SYNE3: variants seen among roughly 807,000 people sequenced by gnomAD.
The protein encoded by SYNE3 is nesprin-3.
SYNE3 carries 100 observed loss-of-function variants against 111.2 expected under a neutral mutation model. That is an observed-to-expected ratio of 0.90 (90% CI 0.77 to 1.06). The LOEUF is 1.06. Among genes scored for constraint, SYNE3 ranks in the 50% least tolerant of loss-of-function variants. The pLI is 0.00. For synonymous variants in SYNE3, 547 were observed against 533.9 expected, an observed-to-expected ratio of 1.02 and a Z score of -0.34; for missense variants, 1,160 against 1,240.3, an observed-to-expected ratio of 0.94 and a Z score of 0.97.
rs918430663 is a variant in SYNE3, at chr14:95,411,629, A to T, written c.*6197T>A. 6.6e-6 allele frequency: 1 copy of T among 152,256 alleles called. No homozygotes were observed. Among genetic ancestry groups the T allele is most frequent in the African/African-American group, 2.4e-5 (1 of 41,450 alleles). The allele number at this position is 152,256 out of a possible 1,614,324, so 9.4% of individuals were successfully genotyped here. ...GGTGAGAATTAGCTGAGTGCCCATG[A>T]GAGAGGGAATTAGGGCAGGATCCCG... On this transcript the variant is annotated 3_prime_UTR_variant, in exon 18 of 18. Transcript: ENST00000682763.
intron 4 of SYNE3, among the ~76,000 whole-genome samples, chr14:95,458,119 C>T (rs1156915370): frequency 6.6e-6 from 1 of 152,214 alleles, no homozygotes; most frequent in Non-Finnish European, 1.5e-5. Context: ...TATGAGCCCC[C>T]ACTGTACTCC....
At position 95,452,353 on chromosome 14, in the gene SYNE3, G is replaced by C; in HGVS notation, c.1168C>G (p.Pro390Ala). ...TGGGCTTGCAGCCGGTCCACCCGGG[G>C]CTCCTCCGAGGCCAGCGCCGCCCGT... Reference protein sequence around the residue: ...ATRAALASEEPRVDRLQAQLK... With the variant: ...ATRAALASEEARVDRLQAQLK... Residue 390 changes from proline (P) to alanine (A), a missense_variant, in exon 7 of 18, where the codon CCC becomes GCC. Coordinates refer to ENST00000682763, the MANE Select transcript of SYNE3 (RefSeq NM_152592.6). 6.2e-7 allele frequency: 1 copy of C among 1,613,004 alleles called. No homozygotes were observed. Among genetic ancestry groups the C allele is most frequent in the South Asian group, 1.1e-5 (1 of 90,958 alleles).
chr14:95,429,090 T>C (rs1285916709), intron 17 of SYNE3, among the ~76,000 whole-genome samples: 1 of 152,220 alleles, frequency 6.6e-6, no homozygotes, highest in African/African-American at 2.4e-5. Flanking sequence ...CACACAGGCA[T>C]ACGCCACACT....
chr14:95,419,405 T>A (rs1740643), intron 17 of SYNE3, among the ~76,000 whole-genome samples: 44,291 of 152,044 alleles, frequency 0.29, 7,087 homozygotes, highest in African/African-American at 0.41. Context: ...ATACCTTGAT[T>A]GATAAATGTA....
chr14:95,430,295 C>G (rs4513028), intron 17 of SYNE3, among the ~76,000 whole-genome samples: 36,259 of 152,010 alleles, frequency 0.24, 6,204 homozygotes, highest in African/African-American at 0.48. Context: ...TAGAGTCGGT[C>G]TGGACACAAG....
In SYNE3 at chr14:95,408,923, C is replaced by T; in HGVS notation, c.*8903G>A. 1 of 353,208 alleles carries T rather than the reference C, an allele frequency of 2.8e-6. No individual in the cohort carries two copies. The highest frequency in any genetic ancestry group is 3.8e-5 in the Admixed American group (1 of 26,290). 21.9% of individuals were successfully genotyped at this position (353,208 alleles called of 1,614,324 possible). On this transcript the variant is annotated 3_prime_UTR_variant, in exon 18 of 18. Transcript: ENST00000682763. Reference sequence around the variant, plus strand: ...CTTTTCCAGTGGGAAGGTAGACAGACAGTGGGTACCTGCTCCCGTCCCCTG... The same window carrying T: ...CTTTTCCAGTGGGAAGGTAGACAGATAGTGGGTACCTGCTCCCGTCCCCTG...
chr14:95,452,434 A>G (rs893725596), intron 6 of SYNE3, 51 bp from the exon 7 acceptor site: 3 of 1,548,672 alleles, frequency 1.9e-6, no homozygotes, highest in African/African-American at 2.7e-5. Flanking sequence ...TCAACAGGAT[A>G]AGTGTGTGTG....
chr14:95,431,195 C>T (rs1885743267), intron 17 of SYNE3, among the ~76,000 whole-genome samples: 1 of 152,234 alleles, frequency 6.6e-6, no homozygotes, highest in Non-Finnish European at 1.5e-5. Context: ...CCGATTTACA[C>T]TTGGCTTTTC....
rs1269248426 is a variant in SYNE3, at chr14:95,417,619, A to C, written c.*207T>G. The C allele has an allele frequency of 9.9e-6, 6 of 606,060 alleles. No individual in the cohort carries two copies. The highest frequency in any genetic ancestry group is 1.5e-5 in the Non-Finnish European group (5 of 337,104). 37.5% of individuals were successfully genotyped at this position (606,060 alleles called of 1,614,324 possible). ...ATTCTAGACATTATTCCCTAGTCAC[A>C]TGTAGTACACATTTAGTATAAATAG... On this transcript the variant is annotated 3_prime_UTR_variant, in exon 18 of 18. Coordinates refer to ENST00000682763, the MANE Select transcript of SYNE3 (RefSeq NM_152592.6).
chr14:95,433,312 C>T lies in SYNE3; in HGVS notation c.2636G>A (p.Arg879His), dbSNP rs1225646791. 4.3e-6 allele frequency: 7 copies of T among 1,614,164 alleles called. No homozygotes were observed. Among genetic ancestry groups the T allele is most frequent in the East Asian group, 4.5e-5 (2 of 44,878 alleles). ...GGACTTGTACAGCATCCACTGGTAG[C>T]GCAGATCTTCCAGCTCATCCGAGGT... ...RGTSDELEDLRYQWMLYKSKL... is the reference protein window; with the variant it reads ...RGTSDELEDLHYQWMLYKSKL... The change falls in exon 16 of 18, where the codon CGC becomes CAC. Residue 879 changes from arginine (R) to histidine (H), a missense_variant. Transcript: ENST00000682763.
intron 1 of SYNE3, among the ~76,000 whole-genome samples, chr14:95,480,778 GC>G (rs1480571913): frequency 6.6e-6 from 1 of 152,082 alleles, no homozygotes; most frequent in Non-Finnish European, 1.5e-5. Context: ...AAAAAGGCCA[GC>G]CATGGAAGAG....
intron 17 of SYNE3, among the ~76,000 whole-genome samples, chr14:95,419,602 C>G (rs1884960195): frequency 1.3e-5 from 2 of 151,662 alleles, no homozygotes; most frequent in South Asian, 4.2e-4. Context: ...AAGCCACAGT[C>G]CCGTGATGAT....
Position 95,494,441 on chromosome 14 carries a change from T to TC in SYNE3, c.-14-18607_-14-18606insG, listed in dbSNP as rs1257705231. 2.0e-5 allele frequency among the ~76,000 whole-genome samples: 3 copies of TC among 152,120 alleles called. No individual in the cohort carries two copies. The East Asian group carries it at 5.8e-4, about 29-fold the overall frequency. On this transcript the variant is annotated intron_variant, in intron 1 of 17. Coordinates refer to ENST00000682763, the MANE Select transcript of SYNE3 (RefSeq NM_152592.6). ...TGGATGGACTGGCGAGACCAAAAGC[T>TC]GGGAGATGGGGAAGTGCAAGGCCAA... is the stretch of plus-strand genomic sequence containing the variant.
At position 95,462,931 on chromosome 14, in the gene SYNE3, G is replaced by A. The variant is rs534950372; in HGVS notation, c.627+3000C>T. On this transcript the variant is annotated intron_variant, in intron 4 of 17. Coordinates refer to ENST00000682763, the MANE Select transcript of SYNE3 (RefSeq NM_152592.6). ...TCCCAGCACTTCGGGAGGCCAAGGC[G>A]GATCACCTGAGGTCGGGAGTTTGAG... 3.6e-4 allele frequency among the ~76,000 whole-genome samples: 55 copies of A among 152,228 alleles called. No homozygotes were observed. The East Asian group carries it at 4.3e-3, about 12-fold the overall frequency.
At chr14:95,446,464 T>A (rs879340857) in intron 8 of SYNE3, among the ~76,000 whole-genome samples, 1 of 152,100 alleles carries the variant, frequency 6.6e-6, no homozygotes, top group Non-Finnish European at 1.5e-5. Flanking sequence ...GCCTCCCAGT[T>A]AGTTGGCTCC....
chr14:95,484,224 G>T (rs972812578), intron 1 of SYNE3, among the ~76,000 whole-genome samples: 5 of 152,208 alleles, frequency 3.3e-5, no homozygotes, highest in African/African-American at 1.2e-4. Context: ...AGTGGAGGGG[G>T]CAGAGTGTAT....
chr14:95,444,243 A>G (rs960166346), intron 10 of SYNE3: 15 of 498,872 alleles, frequency 3.0e-5, no homozygotes, highest in Non-Finnish European at 3.5e-6. Flanking sequence ...TTTGGAACTG[A>G]GGAGTAAACA....
chr14:95,481,793 C>T (rs918394723), intron 1 of SYNE3, among the ~76,000 whole-genome samples: 16 of 152,354 alleles, frequency 1.1e-4, no homozygotes, highest in Non-Finnish European at 2.1e-4. Context: ...GCTCCCTTTG[C>T]CCGATTCCAG....
At chr14:95,454,146 C>G (rs1202272206) in intron 6 of SYNE3, among the ~76,000 whole-genome samples, 3 of 152,264 alleles carry the variant, frequency 2.0e-5, no homozygotes, top group African/African-American at 7.2e-5. Context: ...TCATACCCAG[C>G]CCTCTGCTCT....
Sources: gnomAD v4.1 joint callset for allele counts (sites outside exome capture counted in the v4.1 genomes callset) on GRCh38, gnomAD v4.1.1 for gene constraint, MANE v1.5 for transcripts, NCBI Gene and HGNC (gene_info 2026-07-23, HGNC 2026-07-21) for gene names.